Variants in OTUB1 observed in about 807,000 individuals in gnomAD.
The protein encoded by OTUB1 is OTU deubiquitinase, ubiquitin aldehyde binding 1.
A neutral mutation model predicts 35.8 loss-of-function variants in OTUB1; 10 were observed. The observed-to-expected ratio is 0.28, with a 90% CI of 0.17 to 0.47. The LOEUF (loss-of-function observed/expected upper bound fraction) is 0.47, where lower values mean the gene tolerates loss of function less well. OTUB1 is among the 20% of genes least tolerant of loss of function. The probability of loss-of-function intolerance (pLI) is 0.99; values close to 1 mark genes in which losing one functional copy is unlikely to be tolerated. For missense variants in OTUB1, 264 were observed against 351.6 expected (o/e 0.75, Z 1.99); for synonymous variants, 158 against 143.8 (o/e 1.10, Z -0.71).
At chr11:63,987,675 A>T (rs775003383) in intron 1 of OTUB1, among the ~76,000 whole-genome samples, 1 of 152,176 alleles carries the variant, frequency 6.6e-6, no homozygotes, top group African/African-American at 2.4e-5. Flanking sequence ...ACCTGTCTGC[A>T]GTTGTTTTGT....
intron 1 of OTUB1, 109 bp downstream of exon 1, chr11:63,986,623 C>A: frequency 1.1e-6 from 1 of 895,870 alleles, no homozygotes; most frequent in Non-Finnish European, 1.7e-6. Context: ...GGTCGAGGTG[C>A]GCGAGGGGTC....
chr11:63,994,932 C>T (rs1942703430), intron 3 of OTUB1, among the ~76,000 whole-genome samples: 1 of 152,196 alleles, frequency 6.6e-6, no homozygotes, highest in Non-Finnish European at 1.5e-5. Flanking sequence ...ACGTAAAGTC[C>T]AGGATTCCCT....
At chr11:63,988,440 C>T (rs1476446105) in intron 2 of OTUB1, 42 bp downstream of exon 2, 3 of 1,535,460 alleles carry the variant, frequency 2.0e-6, no homozygotes, top group Non-Finnish European at 1.8e-6. Flanking sequence ...GGCCAGCAGC[C>T]CCATTGTGGA....
At chr11:63,993,203 T>C (rs1163312122) in intron 3 of OTUB1, among the ~76,000 whole-genome samples, 1 of 152,148 alleles carries the variant, frequency 6.6e-6, no homozygotes, top group African/African-American at 2.4e-5. Flanking sequence ...TGTGGGTGAC[T>C]GAGGTGGGGC....
Position 63,997,962 on chromosome 11 carries a change from T to G in OTUB1, c.*416T>G. On this transcript the variant is annotated 3_prime_UTR_variant, in exon 7 of 7. Coordinates refer to ENST00000538426, the MANE Select transcript of OTUB1 (RefSeq NM_017670.3). Reference sequence around the variant, plus strand: ...CCCAGGGTCCCAGGGCCACCCACACTTCATCTGCTCCCTCATAGGCCCCAC... The same window carrying G: ...CCCAGGGTCCCAGGGCCACCCACACGTCATCTGCTCCCTCATAGGCCCCAC... 3 of 587,724 alleles carry G rather than the reference T, an allele frequency of 5.1e-6. No individual in the cohort carries two copies. Among genetic ancestry groups the G allele is most frequent in the Middle Eastern group, 9.2e-4 (2 of 2,182 alleles). The allele number at this position is 587,724 out of a possible 1,614,324, so 36.4% of individuals were successfully genotyped here.
rs772300579 is a variant in OTUB1 at position 63,997,323 on chromosome 11, G to C, written c.619-26G>C. On this transcript the variant is annotated intron_variant, in intron 6 of 6. Coordinates refer to ENST00000538426, the MANE Select transcript of OTUB1 (RefSeq NM_017670.3). Reference sequence around the variant, plus strand: ...GGCCTGGGGCGGGGTGCGGAGACCAGGGCCTGACCGGCACCTGTGCCACAG... The same window carrying C: ...GGCCTGGGGCGGGGTGCGGAGACCACGGCCTGACCGGCACCTGTGCCACAG... 181 of 1,613,560 alleles carry C rather than the reference G, an allele frequency of 1.1e-4. No homozygotes were observed. The Admixed American group carries it at 2.9e-3, about 26-fold the overall frequency.
chr11:63,986,929 C>G (rs1942626584), intron 1 of OTUB1: 1 of 181,130 alleles, frequency 5.5e-6, no homozygotes, highest in East Asian at 1.4e-4. Flanking sequence ...CCTCGAGTTT[C>G]GCTGGGCTAC....
At chr11:63,992,154 C>T (rs1011008524) in intron 3 of OTUB1, among the ~76,000 whole-genome samples, 23 of 151,538 alleles carry the variant, frequency 1.5e-4, no homozygotes, top group African/African-American at 5.3e-4. Context: ...GTGGAGGTTG[C>T]GGTGAGCCGA....
At chr11:63,991,943 C>T (rs1289736609) in intron 3 of OTUB1, among the ~76,000 whole-genome samples, 1 of 152,034 alleles carries the variant, frequency 6.6e-6, no homozygotes, top group Non-Finnish European at 1.5e-5. Context: ...CGGGGCCGGG[C>T]GTGGTGGCTC....
chr11:63,997,535 C>G lies in OTUB1; in HGVS notation c.805C>G (p.Leu269Val). ...LLYRPGHYDILYK is the reference protein window; with the variant it reads ...LLYRPGHYDIVYK The stretch of plus-strand genomic sequence containing the variant: ...CTACCGGCCTGGACACTACGATATC[C>G]TCTACAAATAGGGCTGGCTCCAGCC... The change falls in exon 7 of 7, where the codon CTC becomes GTC. Residue 269 changes from leucine to valine, a missense_variant. Transcript: ENST00000538426. The G allele has an allele frequency of 6.2e-7, 1 of 1,613,684 alleles. No individual in the cohort carries two copies. The highest frequency in any genetic ancestry group is 1.1e-5 in the South Asian group (1 of 91,076).
At chr11:63,992,389 G>A (rs1263739965) in intron 3 of OTUB1, among the ~76,000 whole-genome samples, 1 of 147,168 alleles carries the variant, frequency 6.8e-6, no homozygotes, top group Non-Finnish European at 1.5e-5. Flanking sequence ...GCACCTGGAT[G>A]GTTTGAGGCC....
chr11:63,991,482 C>G (rs1942672122), intron 3 of OTUB1, among the ~76,000 whole-genome samples: 1 of 152,240 alleles, frequency 6.6e-6, no homozygotes, highest in Admixed American at 6.5e-5. Flanking sequence ...TAAAAGGCCT[C>G]TCTGTGCCCC....
chr11:63,988,467 A>G, intron 2 of OTUB1, 69 bp downstream of exon 2: 2 of 1,436,386 alleles, frequency 1.4e-6, no homozygotes, highest in South Asian at 1.2e-5. Flanking sequence ...TAGGCTGGGC[A>G]TGAGGCCTAT....
rs770224696 is a variant in OTUB1, at chr11:63,997,706, G to A, written c.*160G>A. On this transcript the variant is annotated 3_prime_UTR_variant, in exon 7 of 7. Coordinates refer to ENST00000538426, the MANE Select transcript of OTUB1 (RefSeq NM_017670.3). Reference sequence around the variant, plus strand: ...TTAAAGGGGGTGCTGGTGGTGAGCCGTGTGTGCGTGTCCCTGCTCTGCTGC... The same window carrying A: ...TTAAAGGGGGTGCTGGTGGTGAGCCATGTGTGCGTGTCCCTGCTCTGCTGC... The A allele has an allele frequency of 3.3e-4, 241 of 720,264 alleles. No homozygotes were observed. Among genetic ancestry groups the A allele is most frequent in the Admixed American group, 3.6e-4 (18 of 50,022 alleles). The allele number at this position is 720,264 out of a possible 1,614,324, so 44.6% of individuals were successfully genotyped here.
chr11:63,998,318 CT>C lies in OTUB1; in HGVS notation c.*776del. The C allele has an allele frequency of 5.8e-6, 1 of 172,612 alleles. No individual in the cohort carries two copies. The highest frequency in any genetic ancestry group is 1.7e-4 in the East Asian group (1 of 5,864). 10.7% of individuals were successfully genotyped at this position (172,612 alleles called of 1,614,324 possible). ...ATTGCCTGCCTTTTTGCCTTCACCT[CT>C]TTTCTTCCCCGCCCCCTGCACATTC... On this transcript the variant is annotated 3_prime_UTR_variant, in exon 7 of 7. Transcript: ENST00000538426.
chr11:63,997,458 C>T lies in OTUB1; in HGVS notation c.728C>T (p.Thr243Ile), dbSNP rs910361138. 5 of 1,614,120 alleles carry T rather than the reference C, an allele frequency of 3.1e-6. No homozygotes were observed. The highest frequency in any genetic ancestry group is 4.2e-6 in the Non-Finnish European group (5 of 1,180,012). The change falls in exon 7 of 7, where the codon ACC becomes ATC. Residue 243 changes from threonine (T) to isoleucine (I), a missense_variant. By Grantham distance (89) the Thr-to-Ile change is moderately conservative (BLOSUM62 -1). This residue lies in a region of OTUB1 where 214 missense variants were observed against 317.1 expected (regional missense o/e 0.67). Coordinates refer to ENST00000538426, the MANE Select transcript of OTUB1 (RefSeq NM_017670.3). ...TACATGGACCGCGGCGAGGGCGGCA[C>T]CACCAATCCGCACATCTTCCCTGAG... ...VEYMDRGEGG[T>I]TNPHIFPEGS...
chr11:63,991,839 T>G (rs1666618491), intron 3 of OTUB1, among the ~76,000 whole-genome samples: 1 of 152,144 alleles, frequency 6.6e-6, no homozygotes, highest in Admixed American at 6.5e-5. Flanking sequence ...AACTTACAGT[T>G]CAGGGTGGAA....
Position 63,997,735 on chromosome 11 carries a change from C to T in OTUB1, c.*189C>T. The stretch of plus-strand genomic sequence containing the variant: ...GTGCGTGTCCCTGCTCTGCTGCCCG[C>T]CTGGCTGCTCTGTCTGCTGCCCCCT... On this transcript the variant is annotated 3_prime_UTR_variant, in exon 7 of 7. Transcript: ENST00000538426. 1.4e-6 allele frequency: 1 copy of T among 705,858 alleles called. No homozygotes were observed. The allele number at this position is 705,858 out of a possible 1,614,324, so 43.7% of individuals were successfully genotyped here.
rs772066149 is a variant in OTUB1 at position 63,988,641 on chromosome 11, C to T, written c.121-13C>T. ...CTCCCTGCTAGGACATGACAGATCC[C>T]TGCCTCCTCCAGATTGCTGTGCAGA... is the stretch of plus-strand genomic sequence containing the variant. On this transcript the variant is annotated splice_polypyrimidine_tract_variant and intron_variant, in intron 2 of 6. Coordinates refer to ENST00000538426, the MANE Select transcript of OTUB1 (RefSeq NM_017670.3). The T allele has an allele frequency of 3.1e-6, 5 of 1,596,002 alleles. No homozygotes were observed. The highest frequency in any genetic ancestry group is 1.7e-4 in the Middle Eastern group (1 of 6,050).
Sources: gnomAD v4.1 joint callset for allele counts (sites outside exome capture counted in the v4.1 genomes callset) on GRCh38, gnomAD v4.1.1 for gene constraint, gnomAD v4.1.1 regional missense constraint, MANE v1.5 for transcripts, NCBI Gene and HGNC (gene_info 2026-07-23, HGNC 2026-07-21) for gene names.